The following PTPA variants were observed in gnomAD, a reference collection of about 807,000 sequenced individuals.
PTPA encodes serine/threonine-protein phosphatase 2A activator.
PTPA carries 13 observed loss-of-function variants against 43.6 expected under a neutral mutation model. That is an observed-to-expected ratio of 0.30 (90% confidence interval 0.19 to 0.47). PTPA has a LOEUF of 0.47. PTPA is among the 20% of genes least tolerant of loss of function. PTPA has a pLI of 0.99. For missense variants in PTPA, 329 were observed against 411.9 expected, an observed-to-expected ratio of 0.80 and a Z score of 1.74; for synonymous variants, 172 against 158.2, an observed-to-expected ratio of 1.09 and a Z score of -0.66.
At chr9:129,114,031 T>A (rs1017717385) in intron 1 of PTPA, among the ~76,000 whole-genome samples, 5 of 152,094 alleles carry the variant, frequency 3.3e-5, no homozygotes, top group African/African-American at 9.7e-5. Context: ...GAACTTCTTC[T>A]TTTTAGTTTT....
chr9:129,123,004 G>A lies in PTPA; in HGVS notation c.130-48G>A, dbSNP rs767080300. The stretch of plus-strand genomic sequence containing the variant: ...GGAGCTCGGGGCAGGTGGGGCGGGG[G>A]GGTCTGCCACCCCTCTCCCCATCCC... On this transcript the variant is annotated intron_variant, in intron 2 of 9. Coordinates refer to ENST00000393370, the MANE Select transcript of PTPA (RefSeq NM_178000.3). 8 of 1,451,100 alleles carry A rather than the reference G, an allele frequency of 5.5e-6. No individual in the cohort carries two copies. The East Asian group carries it at 1.4e-4, about 25-fold the overall frequency. 89.9% of individuals were successfully genotyped at this position (1,451,100 alleles called of 1,614,324 possible). A position where few individuals can be genotyped will look rare whatever the true frequency, so the allele number is the denominator to read the frequency against.
intron 2 of PTPA, among the ~76,000 whole-genome samples, 158 bp from the exon 3 acceptor site, chr9:129,122,894 G>T (rs1849340023): frequency 6.6e-6 from 1 of 152,146 alleles, no homozygotes; most frequent in South Asian, 2.1e-4. Flanking sequence ...TCGGTATTTG[G>T]CATTACGTTT....
At chr9:129,140,878 C>G (rs538682967) in intron 8 of PTPA, among the ~76,000 whole-genome samples, 15 of 152,078 alleles carry the variant, frequency 9.9e-5, no homozygotes. Flanking sequence ...GAGGTGAGGC[C>G]CCTGTAGGCT....
At chr9:129,127,210 T>C (rs17486310) in intron 3 of PTPA, among the ~76,000 whole-genome samples, 1 of 152,054 alleles carries the variant, frequency 6.6e-6, no homozygotes, top group Non-Finnish European at 1.5e-5. Context: ...CAAGCCTAGA[T>C]AAAGGGGAGA....
Position 129,148,879 on chromosome 9 carries a change from C to G in PTPA, c.*1415C>G, listed in dbSNP as rs1474105085. On this transcript the variant is annotated 3_prime_UTR_variant, in exon 10 of 10. Coordinates refer to ENST00000393370, the MANE Select transcript of PTPA (RefSeq NM_178000.3). ...CAGCCCTTCCTGGCTCCCCCATCCC[C>G]CTATGGGCTCCCAGCCCCTTGCACC... is the stretch of plus-strand genomic sequence containing the variant. The G allele has an allele frequency of 2.0e-5, 3 of 152,674 alleles. No individual in the cohort carries two copies. Among genetic ancestry groups the G allele is most frequent in the African/African-American group, 4.8e-5 (2 of 41,466 alleles). 9.5% of individuals were successfully genotyped at this position (152,674 alleles called of 1,614,324 possible).
rs183123232 is a variant in PTPA, at chr9:129,117,327, G to T, written c.32-3186G>T. ...CTCCCGAAGTTTTGGGATTATAGGC[G>T]GGAGGCACTGTGCCTGGCCTAGATT... is the stretch of plus-strand genomic sequence containing the variant. On this transcript the variant is annotated intron_variant, in intron 1 of 9. Coordinates refer to ENST00000393370, the MANE Select transcript of PTPA (RefSeq NM_178000.3). 2.0e-5 allele frequency among the ~76,000 whole-genome samples: 3 copies of T among 152,172 alleles called. No individual in the cohort carries two copies. The South Asian group carries it at 6.2e-4, about 32-fold the overall frequency.
intron 9 of PTPA, 82 bp downstream of exon 9, chr9:129,142,634 T>C: frequency 2.5e-6 from 4 of 1,576,990 alleles, no homozygotes; most frequent in Admixed American, 1.9e-5. Flanking sequence ...ATGTGGAACC[T>C]GGGGCTCCTG....
chr9:129,118,064 TTC>T (rs1491141006), intron 1 of PTPA, among the ~76,000 whole-genome samples: 1 of 151,270 alleles, frequency 6.6e-6, no homozygotes, highest in Admixed American at 6.6e-5. Context: ...TTTTTTTTTT[TTC>T]CCCCGAGATG....
intron 9 of PTPA, among the ~76,000 whole-genome samples, chr9:129,144,074 C>T (rs567592186): frequency 6.6e-6 from 1 of 151,910 alleles, no homozygotes; most frequent in South Asian, 2.1e-4. Flanking sequence ...TGACTCTAAA[C>T]TTCTCTCGAC....
upstream of PTPA, chr9:129,111,072 G>A (rs749301585): frequency 1.5e-6 from 2 of 1,366,262 alleles, no homozygotes; most frequent in South Asian, 1.1e-5. Flanking sequence ...TGGTGTCCTT[G>A]AGCCTAACTC....
At chr9:129,111,260 G>C (rs1044529982), upstream of PTPA, 4 of 1,176,148 alleles carry the variant, frequency 3.4e-6, no homozygotes, top group Admixed American at 9.5e-5. Context: ...TGGCAGTCGC[G>C]GCGCCCGACG....
At chr9:129,111,368 TCCGCCGCGCGC>T, upstream of PTPA, 1 of 1,170,936 alleles carries the variant, frequency 8.5e-7, no homozygotes. Context: ...GTTCCGCGCG[TCCGCCGCGCGC>T]CGGCCGTTAA....
chr9:129,146,232 C>G (rs1851293321), intron 9 of PTPA, among the ~76,000 whole-genome samples: 1 of 152,206 alleles, frequency 6.6e-6, no homozygotes, highest in Non-Finnish European at 1.5e-5. Flanking sequence ...CTCCCTGCTC[C>G]CGCATTCTGT....
rs1330273618 is a variant in PTPA at position 129,123,109 on chromosome 9, A to G, written c.187A>G (p.Lys63Glu). The change falls in exon 3 of 10, where the codon AAG becomes GAG. Residue 63 changes from lysine to glutamate, a missense_variant. Coordinates refer to ENST00000393370, the MANE Select transcript of PTPA (RefSeq NM_178000.3). ...LTLNEGVKGK[K>E]LTFEYRVSEA... ...CCTCAACGAAGGTGTGAAGGGGAAG[A>G]AGCTGACCTTCGAGTACAGAGTCTC... 1 of 1,612,304 alleles carries G rather than the reference A, an allele frequency of 6.2e-7. No individual in the cohort carries two copies. Among genetic ancestry groups the G allele is most frequent in the Non-Finnish European group, 8.5e-7 (1 of 1,178,724 alleles).
intron 1 of PTPA, among the ~76,000 whole-genome samples, chr9:129,116,720 A>G (rs1402807287): frequency 6.6e-6 from 1 of 150,726 alleles, no homozygotes; most frequent in Non-Finnish European, 1.5e-5. Context: ...TAGTAGAGAC[A>G]GGGTTTCGCC....
In PTPA at chr9:129,138,454, C is replaced by T. The variant is rs190146601; in HGVS notation, c.786+762C>T. ...CGTGCCAGGCGACTGCACAGGAAAG[C>T]TGGGGACCCTCTGCTCTCTGGACCT... On this transcript the variant is annotated intron_variant, in intron 8 of 9. Coordinates refer to ENST00000393370, the MANE Select transcript of PTPA (RefSeq NM_178000.3). 7.2e-4 allele frequency among the ~76,000 whole-genome samples: 110 copies of T among 152,310 alleles called. 1 individual carries two copies. The highest frequency in any genetic ancestry group is 7.2e-3 in the Admixed American group (110 of 15,296).
Position 129,111,517 on chromosome 9 carries a change from G to A in PTPA, c.-84G>A. On this transcript the variant is annotated 5_prime_UTR_variant, in exon 1 of 10. Coordinates refer to ENST00000393370, the MANE Select transcript of PTPA (RefSeq NM_178000.3). ...TTCAGGAAGCTCGGAGCCTTTGGTG[G>A]AGCCGGGGAGAGGAAGGGTGGGTGC... 1 of 1,274,764 alleles carries A rather than the reference G, an allele frequency of 7.8e-7. No homozygotes were observed. Among genetic ancestry groups the A allele is most frequent in the East Asian group, 3.1e-5 (1 of 31,850 alleles). The allele number at this position is 1,274,764 out of a possible 1,614,324, so 79.0% of individuals were successfully genotyped here.
At chr9:129,123,274 C>A (rs1849376454) in intron 3 of PTPA, 136 bp downstream of exon 3, 1 of 631,452 alleles carries the variant, frequency 1.6e-6, no homozygotes, top group Non-Finnish European at 2.8e-6. Context: ...GAGATCGAGA[C>A]CATCCTGGCC....
chr9:129,139,289 C>T (rs981105682), intron 8 of PTPA: 3 of 152,218 alleles, frequency 2.0e-5, no homozygotes, highest in Non-Finnish European at 4.4e-5. Context: ...GGACCCAGTT[C>T]CTCCAGTAGA....
Sources: gnomAD v4.1 joint callset for allele counts (sites outside exome capture counted in the v4.1 genomes callset) on GRCh38, gnomAD v4.1.1 for gene constraint, MANE v1.5 for transcripts, NCBI Gene and HGNC (gene_info 2026-07-23, HGNC 2026-07-21) for gene names.